MUC5B: variants seen among roughly 807,000 people sequenced by gnomAD.
MUC5B encodes mucin 5B, oligomeric mucus/gel-forming.
Under a neutral mutation model 376.9 loss-of-function variants are expected in MUC5B, and 116 were observed. That is an observed-to-expected ratio of 0.31 (90% CI 0.26 to 0.36). The LOEUF (loss-of-function observed/expected upper bound fraction) is 0.36, where lower values mean the gene tolerates loss of function less well. MUC5B is among the 10% of genes least tolerant of loss of function. The probability of loss-of-function intolerance (pLI) is 1.00; values close to 1 mark genes in which losing one functional copy is unlikely to be tolerated. For missense variants in MUC5B, 7,165 were observed against 7,769.9 expected (o/e 0.92, Z 2.93); for synonymous variants, 3,517 against 3,390.9 (o/e 1.04, Z -1.29).
At position 1,253,161 on chromosome 11, in the gene MUC5B, G is replaced by A. The variant is rs938706709; in HGVS notation, c.15217+181G>A. The A allele has an allele frequency of 2.2e-4, 163 of 733,772 alleles. No homozygotes were observed. The highest frequency in any genetic ancestry group is 1.7e-4 in the South Asian group (10 of 58,342). 45.5% of individuals were successfully genotyped at this position (733,772 alleles called of 1,614,324 possible). A position where few individuals can be genotyped will look rare whatever the true frequency, so the allele number is the denominator to read the frequency against. ...TGGGGCATGGTGGGGTGTGGTGGTGGTGTTTGGGAGATCGCTGGCATCCCT... is the reference window on the plus strand; with the variant it reads ...TGGGGCATGGTGGGGTGTGGTGGTGATGTTTGGGAGATCGCTGGCATCCCT... On this transcript the variant is annotated intron_variant, in intron 33 of 48. Transcript: ENST00000529681. This position sits in a 1 kb window ranked among gnomAD's most constrained non-coding sequence, Gnocchi z 4.3.
At chr11:1,255,662 T>G (rs1213235047) in intron 37 of MUC5B, 104 bp downstream of exon 37, 1 of 138,252 alleles carries the variant, frequency 7.2e-6, no homozygotes, top group Non-Finnish European at 1.2e-5. Context: ...TCGGCCTCTC[T>G]GAGTGTCCTG....
Position 1,246,225 on chromosome 11 carries a change from G to C in MUC5B, c.9345G>C (p.Thr3115=), listed in dbSNP as rs373891009. 8 of 1,606,508 alleles carry C rather than the reference G, an allele frequency of 5.0e-6. No individual in the cohort carries two copies. The highest frequency in any genetic ancestry group is 1.7e-6 in the Non-Finnish European group (2 of 1,177,402). The change falls in exon 31 of 49, where the codon ACG becomes ACC. Residue 3115 remains threonine, a synonymous_variant. Transcript: ENST00000529681. ...TSTVLTTKAT[T]TRATSSMSTP... is the part of the protein sequence containing the mutation. ...CAGTGCTGACCACGAAGGCCACCAC[G>C]ACAAGGGCCACCAGTTCCATGTCCA...
In MUC5B at chr11:1,250,933, A is replaced by G. The variant is rs1428676094; in HGVS notation, c.14053A>G (p.Thr4685Ala). Residue 4685 changes from threonine to alanine, a missense_variant, in exon 31 of 49, where the codon ACT becomes GCT. Thr to Ala is a moderately conservative substitution (Grantham distance 58). Coordinates refer to ENST00000529681, the MANE Select transcript of MUC5B (RefSeq NM_002458.3). ...GTPPSLTTTA[T>A]TITATGSTTN... ...TCCCCCATCACTGACCACCACGGCC[A>G]CTACGATCACGGCCACCGGCTCCAC... 2 of 1,603,428 alleles carry G rather than the reference A, an allele frequency of 1.2e-6. No individual in the cohort carries two copies. Among genetic ancestry groups the G allele is most frequent in the African/African-American group, 2.7e-5 (2 of 74,308 alleles).
In MUC5B at chr11:1,244,291, A is replaced by T; in HGVS notation, c.7411A>T (p.Thr2471Ser). The change falls in exon 31 of 49, where the codon ACA becomes TCA. Residue 2471 changes from threonine to serine, a missense_variant. Thr to Ser is a moderately conservative substitution (Grantham distance 58). This residue lies in a region of MUC5B where 194 missense variants were observed against 268.5 expected (regional missense o/e 0.72). Transcript: ENST00000529681. Reference sequence around the variant, plus strand: ...CTGGATCCTCACAGAGCCGAGCACTACAGCCACCGTGACGGTGCCCACCGG... The same window carrying T: ...CTGGATCCTCACAGAGCCGAGCACTTCAGCCACCGTGACGGTGCCCACCGG... The part of the protein sequence containing the change: ...TTWILTEPST[T>S]ATVTVPTGST... The T allele has an allele frequency of 1.2e-6, 2 of 1,607,024 alleles. No homozygotes were observed. The highest frequency in any genetic ancestry group is 4.5e-5 in the East Asian group (2 of 44,736).
At position 1,241,859 on chromosome 11, in the gene MUC5B, C is replaced by G. The variant is rs369709848; in HGVS notation, c.4979C>G (p.Pro1660Arg). The stretch of plus-strand genomic sequence containing the variant: ...ACCCTCTCAGAAGGACTGACATCCC[C>G]CAGATACACAAGCACCCTTGGTACA... Reference protein sequence around the residue: ...VPTLSEGLTSPRYTSTLGTAT... With the variant: ...VPTLSEGLTSRRYTSTLGTAT... Residue 1660 changes from proline (P) to arginine (R), a missense_variant, in exon 31 of 49, where the codon CCC becomes CGC. By Grantham distance (103) the Pro-to-Arg change is moderately radical (BLOSUM62 -2). Coordinates refer to ENST00000529681, the MANE Select transcript of MUC5B (RefSeq NM_002458.3). The G allele has an allele frequency of 4.0e-5, 65 of 1,613,252 alleles. No homozygotes were observed. The highest frequency in any genetic ancestry group is 5.5e-5 in the Non-Finnish European group (65 of 1,179,718).
chr11:1,259,159 G>T, intron 44 of MUC5B, 98 bp downstream of exon 44: 1 of 1,268,578 alleles, frequency 7.9e-7, no homozygotes, highest in Non-Finnish European at 1.1e-6. Context: ...TGAGTCACCC[G>T]CCCCCAGGTG....
chr11:1,232,974 C>A (rs368648508), intron 17 of MUC5B, 39 bp from the exon 18 acceptor site: 1 of 1,521,420 alleles, frequency 6.6e-7, no homozygotes, highest in Admixed American at 2.0e-5. Context: ...CCAGGCTGCT[C>A]GGCCGCTGAC....
In MUC5B at chr11:1,249,849, T is replaced by C. The variant is rs1324788347; in HGVS notation, c.12969T>C (p.Val4323=). 16 of 1,612,990 alleles carry C rather than the reference T, an allele frequency of 9.9e-6. No homozygotes were observed. Among genetic ancestry groups the C allele is most frequent in the Non-Finnish European group, 1.3e-5 (15 of 1,179,722 alleles). ...STATKSTATS[V]TPIPSSTLGT... ...CCACCAAATCCACAGCTACCAGCGT[T>C]ACACCCATCCCCTCCTCCACCCTTG... The change falls in exon 31 of 49, where the codon GTT becomes GTC. Residue 4323 remains valine, a synonymous_variant. Coordinates refer to ENST00000529681, the MANE Select transcript of MUC5B (RefSeq NM_002458.3).
At position 1,227,364 on chromosome 11, in the gene MUC5B, C is replaced by T. The variant is rs371573059; in HGVS notation, c.633C>T (p.Asn211=). 4.7e-5 allele frequency: 76 copies of T among 1,612,416 alleles called. No homozygotes were observed. In the African/African-American group the frequency reaches 6.5e-4, roughly 14 times the overall value. ...CCTGTGGCCTGTGTGGGGACTTCAACGGCCTCCCGGCCTTCAACGAGTTCT... is the reference window on the plus strand; with the variant it reads ...CCTGTGGCCTGTGTGGGGACTTCAATGGCCTCCCGGCCTTCAACGAGTTCT... The part of the protein sequence containing the change: ...NQTCGLCGDF[N]GLPAFNEFYA... The change falls in exon 6 of 49, where the codon AAC becomes AAT. Residue 211 remains asparagine, a synonymous_variant. Coordinates refer to ENST00000529681, the MANE Select transcript of MUC5B (RefSeq NM_002458.3).
intron 24 of MUC5B, 94 bp downstream of exon 24, chr11:1,236,656 C>T (rs56139112): frequency 0.037 from 49,692 of 1,326,252 alleles, 1,216 homozygotes; most frequent in African/African-American, 0.097. Flanking sequence ...CTCGCTGACC[C>T]GTGGGTGCGT....
In MUC5B at chr11:1,244,711, A is replaced by G. The variant is rs973907081; in HGVS notation, c.7831A>G (p.Thr2611Ala). 2 of 1,612,032 alleles carry G rather than the reference A, an allele frequency of 1.2e-6. No homozygotes were observed. The highest frequency in any genetic ancestry group is 1.7e-6 in the Non-Finnish European group (2 of 1,179,020). The change falls in exon 31 of 49, where the codon ACC (threonine) becomes GCC (alanine). Residue 2611 changes from threonine to alanine, a missense_variant. By Grantham distance (58) the Thr-to-Ala change is moderately conservative (BLOSUM62 0). This residue lies in a region of MUC5B where 141 missense variants were observed against 111.2 expected (regional missense o/e 1.27). Coordinates refer to ENST00000529681, the MANE Select transcript of MUC5B (RefSeq NM_002458.3). ...AGCTCACACTACCAAAGTGCTGACTACCACAACCACGGGCTTCACAGCCAC... is the reference window on the plus strand; with the variant it reads ...AGCTCACACTACCAAAGTGCTGACTGCCACAACCACGGGCTTCACAGCCAC... ...GTAHTTKVLT[T>A]TTTGFTATPS...
rs181901736 is a variant in MUC5B, at chr11:1,243,606, C to T, written c.6726C>T (p.Thr2242=). The T allele has an allele frequency of 1.9e-3, 3,072 of 1,610,002 alleles. 61 individuals carry two copies. The African/African-American group carries it at 0.032, about 17-fold the overall frequency. The part of the protein sequence containing the change: ...TVTSHTLAAT[T]GTTQHSTPAL... ...CTTCCCACACCCTAGCAGCAACCAC[C>T]GGTACCACCCAGCACTCGACTCCAG... Residue 2242 remains threonine, a synonymous_variant, in exon 31 of 49, where the codon ACC becomes ACT. Transcript: ENST00000529681.
Position 1,259,781 on chromosome 11 carries a change from G to C in MUC5B, c.16739G>C (p.Gly5580Ala). 1.2e-6 allele frequency: 2 copies of C among 1,612,418 alleles called. No homozygotes were observed. The highest frequency in any genetic ancestry group is 1.7e-6 in the Non-Finnish European group (2 of 1,179,670). ...PQGFEYKRVAGQCCGECVQTA... is the reference protein window; with the variant it reads ...PQGFEYKRVAAQCCGECVQTA... ...GGCTTTGAGTACAAGAGAGTGGCCG[G>C]GCAGTGCTGTGGGGAGTGCGTCCAG... The change falls in exon 45 of 49, where the codon GGG becomes GCG. Residue 5580 changes from glycine to alanine, a missense_variant. Transcript: ENST00000529681.
rs781732347 is a variant in MUC5B at position 1,248,003 on chromosome 11, C to A, written c.11123C>A (p.Ser3708Tyr). 2.5e-6 allele frequency: 4 copies of A among 1,609,822 alleles called. No homozygotes were observed. In the East Asian group the frequency reaches 8.9e-5, roughly 36 times the overall value. Reference sequence around the variant, plus strand: ...GCCACTACGACTGAGTCCACTGGATCCACGGCCACCCCGTCCTCCACCCCA... The same window carrying A: ...GCCACTACGACTGAGTCCACTGGATACACGGCCACCCCGTCCTCCACCCCA... ...TTATTTESTG[S>Y]TATPSSTPGT... Residue 3708 changes from serine (S) to tyrosine (Y), a missense_variant, in exon 31 of 49, where the codon TCC (serine) becomes TAC (tyrosine). Coordinates refer to ENST00000529681, the MANE Select transcript of MUC5B (RefSeq NM_002458.3).
chr11:1,251,466 TTCCACG>T lies in MUC5B; in HGVS notation c.14587_14592del (p.Ser4863_Thr4864del). Reference sequence around the variant, plus strand: ...TAGCCACCGTGATGGTGCCCACCGGTTCCACGGCCACCGCCTCCTCCACTCTGGGAA... The same window carrying T: ...TAGCCACCGTGATGGTGCCCACCGGTGCCACCGCCTCCTCCACTCTGGGAA... On this transcript the variant is annotated inframe_deletion, in exon 31 of 49. Coordinates refer to ENST00000529681, the MANE Select transcript of MUC5B (RefSeq NM_002458.3). 1 of 1,603,294 alleles carries T rather than the reference TTCCACG, an allele frequency of 6.2e-7. No homozygotes were observed. Among genetic ancestry groups the T allele is most frequent in the Non-Finnish European group, 8.5e-7 (1 of 1,172,604 alleles).
At position 1,249,415 on chromosome 11, in the gene MUC5B, C is replaced by A. The variant is rs1471609961; in HGVS notation, c.12535C>A (p.Gln4179Lys). 6.2e-7 allele frequency: 1 copy of A among 1,611,414 alleles called. No individual in the cohort carries two copies. The highest frequency in any genetic ancestry group is 1.7e-5 in the Admixed American group (1 of 60,012). The change falls in exon 31 of 49, where the codon CAG (glutamine) becomes AAG (lysine). Residue 4179 changes from glutamine (Q) to lysine (K), a missense_variant. This residue lies in a region of MUC5B where 34 missense variants were observed against 25.7 expected (regional missense o/e 1.32). Coordinates refer to ENST00000529681, the MANE Select transcript of MUC5B (RefSeq NM_002458.3). ...PLGLECRAQA[Q>K]PGVPLGELGQ... Reference sequence around the variant, plus strand: ...GGGCCTCGAGTGCCGTGCCCAGGCCCAGCCTGGTGTCCCCCTGGGGGAGTT... The same window carrying A: ...GGGCCTCGAGTGCCGTGCCCAGGCCAAGCCTGGTGTCCCCCTGGGGGAGTT...
Position 1,244,423 on chromosome 11 carries a change from A to C in MUC5B, c.7543A>C (p.Ser2515Arg). 6.2e-7 allele frequency: 1 copy of C among 1,602,392 alleles called. No homozygotes were observed. Among genetic ancestry groups the C allele is most frequent in the Non-Finnish European group, 8.5e-7 (1 of 1,172,452 alleles). The change falls in exon 31 of 49, where the codon AGT (serine) becomes CGT (arginine). Residue 2515 changes from serine to arginine, a missense_variant. Transcript: ENST00000529681. ...CAGCTCCAAAGCCACTCCCTTCTCC[A>C]GTCCAGGGACTGCAACCGCCCTTCC... ...VTSSKATPFS[S>R]PGTATALPAL...
chr11:1,237,730 G>A lies in MUC5B; in HGVS notation c.3297+566G>A, dbSNP rs188252902. On this transcript the variant is annotated intron_variant, in intron 25 of 48. Coordinates refer to ENST00000529681, the MANE Select transcript of MUC5B (RefSeq NM_002458.3). ...ACAAAAAATACAAAAATAGCCGGGT[G>A]TGGTGGTGTGTGCCTGTAATCCCAG... 7.6e-4 allele frequency among the ~76,000 whole-genome samples: 116 copies of A among 152,312 alleles called. 1 individual carries two copies. Among genetic ancestry groups the A allele is most frequent in the South Asian group, 1.9e-3 (9 of 4,826 alleles).
Position 1,251,047 on chromosome 11 carries a change from G to C in MUC5B, c.14167G>C (p.Ala4723Pro), listed in dbSNP as rs774280326. The C allele has an allele frequency of 1.9e-6, 3 of 1,611,016 alleles. No individual in the cohort carries two copies. The African/African-American group carries it at 4.0e-5, about 22-fold the overall frequency. Residue 4723 changes from alanine to proline, a missense_variant, in exon 31 of 49, where the codon GCC (alanine) becomes CCC (proline). Coordinates refer to ENST00000529681, the MANE Select transcript of MUC5B (RefSeq NM_002458.3). Reference protein sequence around the residue: ...ATTPAATSSKATSSSSPRTAT... With the variant: ...ATTPAATSSKPTSSSSPRTAT... ...CACACCCGCAGCCACCAGCTCCAAA[G>C]CCACTTCCTCCTCCAGTCCAAGGAC...
Sources: allele counts gnomAD v4.1 joint callset (sites outside exome capture counted in the v4.1 genomes callset), GRCh38; gene constraint gnomAD v4.1.1; regional missense constraint gnomAD v4.1.1; non-coding constraint Gnocchi (gnomAD v3.1); transcripts MANE v1.5; gene names NCBI Gene and HGNC (gene_info 2026-07-23, HGNC 2026-07-21).